The following CR1 variants were observed in gnomAD, a reference collection of about 807,000 sequenced individuals.
CR1 encodes the protein complement receptor type 1.
A neutral mutation model predicts 187.3 loss-of-function variants in CR1; 116 were observed. The observed-to-expected ratio is 0.62, with a 90% confidence interval of 0.53 to 0.72. The LOEUF is 0.72. Among genes scored for constraint, CR1 ranks in the 30% least tolerant of loss-of-function variants. The pLI is 0.00. For synonymous variants in CR1, 576 were observed against 747.1 expected, an observed-to-expected ratio of 0.77 and a Z score of 3.73; for missense variants, 1,731 against 2,110.7, an observed-to-expected ratio of 0.82 and a Z score of 3.52.
intron 3 of CR1, among the ~76,000 whole-genome samples, chr1:207,507,912 C>G (rs1188310176): frequency 2.0e-5 from 3 of 152,066 alleles, no homozygotes; most frequent in African/African-American, 7.2e-5. Flanking sequence ...AATGGATAAA[C>G]TGTGGTACAT....
intron 4 of CR1, among the ~76,000 whole-genome samples, chr1:207,520,650 T>A (rs1659947980): frequency 6.6e-6 from 1 of 152,204 alleles, no homozygotes. Context: ...ATCATAAAGA[T>A]CCTAAATGAA....
rs1236049985 is a variant in CR1, at chr1:207,619,915, A to C, written c.7102A>C (p.Ile2368Leu). 1 of 1,599,542 alleles carries C rather than the reference A, an allele frequency of 6.3e-7. No homozygotes were observed. Among genetic ancestry groups the C allele is most frequent in the African/African-American group, 1.3e-5 (1 of 74,818 alleles). ...TAGCTTCCCACTGTTTATGAATGGA[A>C]TCTCGAAGGAGTTAGAAATGAAAAA... ...NCSFPLFMNGISKELEMKKVY... is the reference protein window; with the variant it reads ...NCSFPLFMNGLSKELEMKKVY... The change falls in exon 43 of 47, where the codon ATC (isoleucine) becomes CTC (leucine). Residue 2368 changes from isoleucine to leucine, a missense_variant. Ile to Leu is a conservative substitution (Grantham distance 5, BLOSUM62 2). Around this residue, in one of 5 missense-constraint regions of CR1, gnomAD observed 1,312 missense variants for 1,379.6 expected, o/e 0.95. Transcript: ENST00000367049.
At chr1:207,525,720 G>T (rs1414439362) in intron 5 of CR1, among the ~76,000 whole-genome samples, 1 of 152,038 alleles carries the variant, frequency 6.6e-6, no homozygotes, top group East Asian at 1.9e-4. Context: ...AGACAGTGCA[G>T]AAGTGTGAGG....
chr1:207,580,661 A>T, intron 31 of CR1, 48 bp downstream of exon 31: 1 of 1,493,634 alleles, frequency 6.7e-7, no homozygotes, highest in Non-Finnish European at 9.2e-7. Context: ...CTGCAGAGTG[A>T]CTCTTGAGCT....
chr1:207,524,647 C>G (rs1660112340), intron 5 of CR1, among the ~76,000 whole-genome samples: 1 of 151,998 alleles, frequency 6.6e-6, no homozygotes, highest in South Asian at 2.1e-4. Context: ...CTTGGCCTCC[C>G]AAAGTGCTGG....
chr1:207,632,797 CAAAAAAAAAAAA>C (rs55649027), intron 46 of CR1, among the ~76,000 whole-genome samples: 1,374 of 107,690 alleles, frequency 0.013, 41 homozygotes, highest in African/African-American at 0.055. Flanking sequence ...GACTCCGTCT[CAAAAAAAAAAAA>C]AAAAAAAAAA....
At chr1:207,602,812 C>T (rs1208790184) in intron 35 of CR1, among the ~76,000 whole-genome samples, 3 of 151,704 alleles carry the variant, frequency 2.0e-5, no homozygotes, top group African/African-American at 4.8e-5. Flanking sequence ...AGTGAGATAT[C>T]GAGTAAAAAA....
At chr1:207,622,187 C>T (rs1287218762) in intron 44 of CR1, among the ~76,000 whole-genome samples, 191 bp downstream of exon 44, 2 of 152,158 alleles carry the variant, frequency 1.3e-5, no homozygotes, top group Non-Finnish European at 2.9e-5. Context: ...AAACTGGCAT[C>T]GTCATATGCA....
chr1:207,610,287 C>G (rs1376693702), intron 37 of CR1, among the ~76,000 whole-genome samples: 2 of 151,978 alleles, frequency 1.3e-5, no homozygotes, highest in East Asian at 3.9e-4. Flanking sequence ...ATATATTGTT[C>G]AGATTGAGGC....
chr1:207,514,994 TACACACAC>T (rs369482432), intron 4 of CR1, among the ~76,000 whole-genome samples: 6 of 119,564 alleles, frequency 5.0e-5, no homozygotes, highest in Non-Finnish European at 8.9e-5. Flanking sequence ...TATATATATA[TACACACAC>T]ACACACACAC....
chr1:207,512,819 A>C (rs1659663038), intron 4 of CR1, among the ~76,000 whole-genome samples: 1 of 152,246 alleles, frequency 6.6e-6, no homozygotes, highest in East Asian at 1.9e-4. Flanking sequence ...AAAACAAAAA[A>C]TATAATAATA....
At chr1:207,624,394 G>A (rs1662418285) in intron 45 of CR1, among the ~76,000 whole-genome samples, 1 of 152,176 alleles carries the variant, frequency 6.6e-6, no homozygotes. Context: ...TATGGTTGAT[G>A]AGCAAGTTCT....
At chr1:207,625,111 A>C (rs980986889) in intron 45 of CR1, among the ~76,000 whole-genome samples, 1 of 152,218 alleles carries the variant, frequency 6.6e-6, no homozygotes, top group African/African-American at 2.4e-5. Flanking sequence ...CCTCATATTA[A>C]TCACCTTCAG....
At chr1:207,520,177 C>A (rs1268403841) in intron 4 of CR1, among the ~76,000 whole-genome samples, 1 of 152,216 alleles carries the variant, frequency 6.6e-6, no homozygotes, top group African/African-American at 2.4e-5. Context: ...GGCTTAGTCA[C>A]CCTTAATGCC....
intron 23 of CR1, among the ~76,000 whole-genome samples, chr1:207,564,989 A>T (rs1383768909): frequency 6.7e-6 from 1 of 150,276 alleles, no homozygotes; most frequent in Non-Finnish European, 1.5e-5. Flanking sequence ...GCATTTTTTT[A>T]AAAATTCAGT....
rs3991737 is a variant in CR1 at position 207,544,777 on chromosome 1, C to T, written c.2237-531C>T. ...AGAGGAGACCCATAGTTCTTTACCA[C>T]CCTATGTCAGGTGGCCGCTGAGAGA... On this transcript the variant is annotated intron_variant, in intron 13 of 46. Transcript: ENST00000367049. Among the ~76,000 whole-genome samples, 414 of 146,488 alleles carry T rather than the reference C, an allele frequency of 2.8e-3. 31 individuals carry two copies. The highest frequency in any genetic ancestry group is 8.9e-3 in the African/African-American group (331 of 37,128).
chr1:207,574,790 T>A (rs1005234866), intron 27 of CR1, among the ~76,000 whole-genome samples: 3 of 152,214 alleles, frequency 2.0e-5, no homozygotes, highest in African/African-American at 7.2e-5. Context: ...ATGTGTGTAA[T>A]ATACATGCAC....
At chr1:207,614,576 A>G in intron 40 of CR1, 87 bp downstream of exon 40, 2 of 1,024,214 alleles carry the variant, frequency 2.0e-6, no homozygotes, top group Non-Finnish European at 2.9e-6. Context: ...CCTGTTGTCT[A>G]GATCTTTACT....
chr1:207,520,572 C>A (rs1307188264), intron 4 of CR1, among the ~76,000 whole-genome samples: 3 of 152,166 alleles, frequency 2.0e-5, no homozygotes, highest in Non-Finnish European at 4.4e-5. Context: ...GCGTGCCATA[C>A]CCCCAGCCCG....
Sources: allele counts gnomAD v4.1 joint callset (sites outside exome capture counted in the v4.1 genomes callset), GRCh38; gene constraint gnomAD v4.1.1; regional missense constraint gnomAD v4.1.1; transcripts MANE v1.5; gene names NCBI Gene and HGNC (gene_info 2026-07-23, HGNC 2026-07-21).